SPNS3: variants seen among roughly 807,000 people sequenced by gnomAD.
The protein encoded by SPNS3 is protein spinster homolog 3.
SPNS3 carries 51 observed loss-of-function variants against 54.4 expected under a neutral mutation model. The observed-to-expected ratio is 0.94, with a 90% CI of 0.75 to 1.18. The LOEUF (loss-of-function observed/expected upper bound fraction) is 1.18. SPNS3 is among the 50% of genes most tolerant of loss of function. The pLI, the probability that SPNS3 is intolerant of heterozygous loss-of-function variation, is 0.00. For synonymous variants in SPNS3, 309 were observed against 294.7 expected (o/e 1.05, Z -0.50); for missense variants, 669 against 677.4 (o/e 0.99, Z 0.14).
chr17:4,442,701 G>A (rs1970884470), intron 2 of SPNS3, among the ~76,000 whole-genome samples: 1 of 152,176 alleles, frequency 6.6e-6, no homozygotes, highest in South Asian at 2.1e-4. Context: ...GATTCTAAGT[G>A]CTTTAAATAT....
intron 2 of SPNS3, among the ~76,000 whole-genome samples, chr17:4,444,238 C>T (rs961421923): frequency 6.6e-6 from 1 of 150,532 alleles, no homozygotes. Context: ...TTTTTGAGAC[C>T]AAGTCTTGCT....
intron 8 of SPNS3, among the ~76,000 whole-genome samples, chr17:4,456,704 G>T (rs1345246515): frequency 1.4e-5 from 2 of 142,282 alleles, no homozygotes; most frequent in African/African-American, 5.7e-5. Flanking sequence ...TTTGGTTTTT[G>T]TTTTTGTGTT....
intron 2 of SPNS3, among the ~76,000 whole-genome samples, chr17:4,444,301 G>A (rs1399985585): frequency 6.6e-6 from 1 of 151,052 alleles, no homozygotes; most frequent in Non-Finnish European, 1.5e-5. Flanking sequence ...TGCAACCTCC[G>A]CCTCCCAGGT....
At chr17:4,473,274 T>C (rs1260149749) in intron 8 of SPNS3, among the ~76,000 whole-genome samples, 1 of 152,060 alleles carries the variant, frequency 6.6e-6, no homozygotes, top group African/African-American at 2.4e-5. Context: ...CCAAACTTCA[T>C]CATAGCTCTG....
intron 6 of SPNS3, among the ~76,000 whole-genome samples, chr17:4,448,529 G>C (rs1021319392): frequency 1.3e-5 from 2 of 152,200 alleles, no homozygotes; most frequent in African/African-American, 4.8e-5. Context: ...AGAGTGGGAG[G>C]GAGATGGCGT....
chr17:4,475,247 C>A (rs748696406), intron 8 of SPNS3, among the ~76,000 whole-genome samples: 1 of 152,174 alleles, frequency 6.6e-6, no homozygotes, highest in Non-Finnish European at 1.5e-5. Flanking sequence ...CCAGAGGGAT[C>A]TAAGTCAGGG....
At chr17:4,480,286 C>G (rs1443606291) in intron 9 of SPNS3, among the ~76,000 whole-genome samples, 1 of 152,270 alleles carries the variant, frequency 6.6e-6, no homozygotes, top group Non-Finnish European at 1.5e-5. Flanking sequence ...CTACATGGCC[C>G]TGGGCCTCAG....
At chr17:4,450,022 C>T (rs953002193) in intron 7 of SPNS3, among the ~76,000 whole-genome samples, 1 of 152,056 alleles carries the variant, frequency 6.6e-6, no homozygotes, top group Non-Finnish European at 1.5e-5. Flanking sequence ...ATCCTCCCTT[C>T]CTTCTCTCCT....
intron 9 of SPNS3, among the ~76,000 whole-genome samples, chr17:4,484,799 T>C (rs1048822298): frequency 6.6e-6 from 1 of 151,912 alleles, no homozygotes; most frequent in African/African-American, 2.4e-5. Flanking sequence ...TGGCAGACTT[T>C]CTCCTGGGAA....
intron 1 of SPNS3, among the ~76,000 whole-genome samples, chr17:4,437,922 G>T (rs1000694703): frequency 2.6e-5 from 4 of 151,910 alleles, no homozygotes; most frequent in Non-Finnish European, 4.4e-5. Context: ...GAGTAGCTGG[G>T]ACTACAGGCC....
At chr17:4,449,432 C>T (rs755708202) in intron 7 of SPNS3, 45 bp downstream of exon 7, 2 of 1,531,978 alleles carry the variant, frequency 1.3e-6, no homozygotes, top group South Asian at 2.5e-5. Context: ...GGCTCGGGGG[C>T]TCTTGCTGAG....
intron 9 of SPNS3, 114 bp downstream of exon 9, chr17:4,478,751 C>G: frequency 2.0e-6 from 2 of 997,942 alleles, no homozygotes; most frequent in Non-Finnish European, 3.0e-6. Context: ...CATTAGGGGA[C>G]CAAAGCCATT....
rs55928003 is a variant in SPNS3 at position 4,461,361 on chromosome 17, C to CTTTTTTTTTTTTTTTTTTTTTTTTTTTTT, written c.1113+8182_1113+8183insTTTTTTTTTTTTTTTTTTTTTTTTTTTTT. Among the ~76,000 whole-genome samples the CTTTTTTTTTTTTTTTTTTTTTTTTTTTTT allele has an allele frequency of 1.5e-3, 49 of 33,422 alleles. 9 individuals carry two copies. The highest frequency in any genetic ancestry group is 2.1e-3 in the Non-Finnish European group (35 of 16,584). 21.9% of individuals were successfully genotyped at this position (33,422 alleles called of 152,430 possible). A position where few individuals can be genotyped will look rare whatever the true frequency, so the allele number is the denominator to read the frequency against. ...TATTTGCTTTCTTTTCTTTTCTTTT[C>CTTTTTTTTTTTTTTTTTTTTTTTTTTTTT]TTTTTTTTTTTTTTTTTTTTTTTTT... On this transcript the variant is annotated intron_variant, in intron 8 of 11. Coordinates refer to ENST00000355530, the MANE Select transcript of SPNS3 (RefSeq NM_182538.5).
At chr17:4,443,875 C>T (rs149761001) in intron 2 of SPNS3, among the ~76,000 whole-genome samples, 16,247 of 152,270 alleles carry the variant, frequency 0.11, 1,023 homozygotes, top group African/African-American at 0.18. Flanking sequence ...CCGAGGTGGG[C>T]GGATCCCTTG....
At chr17:4,445,940 T>G in intron 3 of SPNS3, 108 bp from the exon 4 acceptor site, 1 of 1,311,566 alleles carries the variant, frequency 7.6e-7, no homozygotes, top group Non-Finnish European at 1.0e-6. Context: ...CTCCCTACTC[T>G]GGGGTCCTGT....
intron 8 of SPNS3, among the ~76,000 whole-genome samples, chr17:4,458,588 C>CCTTTCTTTCTTTCTTTCTTT (rs1188233610): frequency 2.5e-4 from 15 of 59,238 alleles, no homozygotes; most frequent in Non-Finnish European, 3.6e-4. Flanking sequence ...TTCCTTCCCT[C>CCTTTCTTTCTTTCTTTCTTT]CTTTCTTTCT....
intron 6 of SPNS3, 37 bp from the exon 7 acceptor site, chr17:4,449,198 C>T (rs768380468): frequency 1.9e-6 from 3 of 1,602,218 alleles, no homozygotes; most frequent in Non-Finnish European, 1.7e-6. Flanking sequence ...CAGCCCCAGC[C>T]CTCTCCCAAC....
intron 2 of SPNS3, among the ~76,000 whole-genome samples, chr17:4,443,033 A>T (rs1246452347): frequency 1.3e-5 from 2 of 152,108 alleles, no homozygotes; most frequent in African/African-American, 4.8e-5. Context: ...GCATGTGAGG[A>T]ATATGAGGAT....
rs552763137 is a variant in SPNS3 at position 4,472,105 on chromosome 17, C to T, written c.1114-6467C>T. On this transcript the variant is annotated intron_variant, in intron 8 of 11. Transcript: ENST00000355530. ...AACTCCTGACCTCAAGTGATCCACC[C>T]GTCTCAGCCTCCCAAAGTGTTGGGA... Among the ~76,000 whole-genome samples, 87 of 152,288 alleles carry T rather than the reference C, an allele frequency of 5.7e-4. 1 individual carries two copies. The highest frequency in any genetic ancestry group is 2.0e-3 in the African/African-American group (83 of 41,574).
Sources: gnomAD v4.1 joint callset for allele counts (sites outside exome capture counted in the v4.1 genomes callset) on GRCh38, gnomAD v4.1.1 for gene constraint, MANE v1.5 for transcripts, NCBI Gene and HGNC (gene_info 2026-07-23, HGNC 2026-07-21) for gene names.